MAGI1: variants seen among roughly 807,000 people sequenced by gnomAD.
MAGI1 encodes membrane associated guanylate kinase, WW and PDZ domain containing 1, also known as membrane-associated guanylate kinase, WW and PDZ domain-containing protein 1.
MAGI1 carries 58 observed loss-of-function variants against 139.9 expected under a neutral mutation model. That is an observed-to-expected ratio of 0.41 (90% CI 0.34 to 0.52). The LOEUF is 0.52. Ranked by LOEUF, MAGI1 falls within the 20% of genes least tolerant of loss-of-function variation. MAGI1 has a pLI of 0.12. For missense variants in MAGI1, 1,874 were observed against 1,901.6 expected (o/e 0.99, Z 0.27); for synonymous variants, 812 against 737.9 (o/e 1.10, Z -1.63).
chr3:65,423,682 C>G (rs75247623), intron 12 of MAGI1, among the ~76,000 whole-genome samples: 5 of 152,176 alleles, frequency 3.3e-5, no homozygotes, highest in Non-Finnish European at 7.3e-5. Context: ...AGGTTCCAAT[C>G]CTAGCTTTGC....
intron 2 of MAGI1, among the ~76,000 whole-genome samples, chr3:65,508,820 T>G (rs920442434): frequency 1.8e-4 from 27 of 152,200 alleles, no homozygotes; most frequent in Non-Finnish European, 5.9e-5. Context: ...ATTAAGTGAG[T>G]GTCATTATCA....
chr3:65,701,876 C>T (rs1221662044), intron 1 of MAGI1, among the ~76,000 whole-genome samples: 1 of 152,038 alleles, frequency 6.6e-6, no homozygotes, highest in Non-Finnish European at 1.5e-5. Context: ...CACTGGTAGC[C>T]GTGATAAAAT....
intron 2 of MAGI1, among the ~76,000 whole-genome samples, chr3:65,511,799 G>C (rs1327411389): frequency 7.0e-6 from 1 of 142,564 alleles, no homozygotes; most frequent in East Asian, 2.2e-4. Flanking sequence ...TCTGCACCAA[G>C]TGGACCTAAT....
intron 1 of MAGI1, among the ~76,000 whole-genome samples, chr3:65,825,723 C>A (rs1314270906): frequency 6.6e-6 from 1 of 152,194 alleles, no homozygotes; most frequent in Non-Finnish European, 1.5e-5. Flanking sequence ...GGCGCAGTGG[C>A]TCATGCCTGT....
chr3:65,939,099 A>T (rs1412956391), intron 1 of MAGI1, among the ~76,000 whole-genome samples: 2 of 152,142 alleles, frequency 1.3e-5, no homozygotes, highest in Non-Finnish European at 2.9e-5. Context: ...AAACACATAA[A>T]CTAGTTTACT....
intron 1 of MAGI1, among the ~76,000 whole-genome samples, chr3:66,021,923 G>T (rs1461732303): frequency 6.6e-6 from 1 of 152,146 alleles, no homozygotes; most frequent in Non-Finnish European, 1.5e-5. Context: ...CAAAGTTGAT[G>T]ATTTTCTTCA....
intron 1 of MAGI1, among the ~76,000 whole-genome samples, chr3:65,819,090 G>C (rs909848942): frequency 6.6e-6 from 1 of 152,082 alleles, no homozygotes; most frequent in African/African-American, 2.4e-5. Context: ...TTCGAGACCA[G>C]CTTGGCCTAC....
intron 2 of MAGI1, among the ~76,000 whole-genome samples, chr3:65,610,751 CAGTATA>C (rs1199322191): frequency 8.5e-4 from 18 of 21,126 alleles, no homozygotes; most frequent in Non-Finnish European, 1.4e-3. Context: ...AGTATATATA[CAGTATA>C]TATATAGCAT....
intron 2 of MAGI1, among the ~76,000 whole-genome samples, chr3:65,539,694 C>A (rs1418025408): frequency 6.6e-6 from 1 of 152,196 alleles, no homozygotes; most frequent in Non-Finnish European, 1.5e-5. Flanking sequence ...CTCTAGCAGA[C>A]TGTGGCAACT....
chr3:65,798,509 G>A lies in MAGI1; in HGVS notation c.314-176421C>T, dbSNP rs147596213. On this transcript the variant is annotated intron_variant, in intron 1 of 22. Transcript: ENST00000402939. ...AACTGTAGGCCTCGGGCCAAGATAG[G>A]TGTAGGGGTGCTGCCCTTTACCATG... 8.4e-3 allele frequency among the ~76,000 whole-genome samples: 1,276 copies of A among 152,264 alleles called. 9 individuals carry two copies. Among genetic ancestry groups the A allele is most frequent in the South Asian group, 0.014 (66 of 4,822 alleles).
intron 1 of MAGI1, among the ~76,000 whole-genome samples, chr3:65,707,847 C>G (rs1170271236): frequency 1.3e-5 from 2 of 152,082 alleles, no homozygotes; most frequent in African/African-American, 4.8e-5. Context: ...ATAGCTGAAC[C>G]AGAGAGGAAA....
At chr3:65,992,024 T>A (rs948426073) in intron 1 of MAGI1, among the ~76,000 whole-genome samples, 1 of 151,840 alleles carries the variant, frequency 6.6e-6, no homozygotes, top group African/African-American at 2.4e-5. Context: ...TCAAAATAAA[T>A]AAATAAAAAT....
chr3:65,858,939 G>A (rs1231122853), intron 1 of MAGI1, among the ~76,000 whole-genome samples: 1 of 152,084 alleles, frequency 6.6e-6, no homozygotes. Flanking sequence ...AGTATAATTG[G>A]AGCTGTCAAA....
At chr3:65,370,946 T>G (rs1335440150) in intron 18 of MAGI1, among the ~76,000 whole-genome samples, 1 of 152,246 alleles carries the variant, frequency 6.6e-6, no homozygotes. Context: ...CGTGTGCCAC[T>G]GCACCCAGCT....
chr3:66,024,119 G>C (rs1277547014), intron 1 of MAGI1, among the ~76,000 whole-genome samples: 1 of 151,916 alleles, frequency 6.6e-6, no homozygotes, highest in East Asian at 1.9e-4. Flanking sequence ...TGAGAATACA[G>C]AAAGAGTAAT....
At chr3:65,619,234 T>C (rs900662313) in intron 2 of MAGI1, among the ~76,000 whole-genome samples, 1 of 152,220 alleles carries the variant, frequency 6.6e-6, no homozygotes, top group African/African-American at 2.4e-5. Context: ...AAGTTCAATT[T>C]TGTTGCTTCA....
intron 3 of MAGI1, among the ~76,000 whole-genome samples, chr3:65,490,167 T>G (rs1951902909): frequency 1.3e-5 from 2 of 152,236 alleles, no homozygotes; most frequent in South Asian, 4.1e-4. Context: ...CTTACATGTG[T>G]CAGACACTCT....
At chr3:65,964,498 T>C (rs185626539) in intron 1 of MAGI1, among the ~76,000 whole-genome samples, 2 of 151,790 alleles carry the variant, frequency 1.3e-5, no homozygotes, top group East Asian at 1.9e-4. Context: ...GAAAGAAAGG[T>C]ATATCCTTTT....
intron 1 of MAGI1, among the ~76,000 whole-genome samples, chr3:65,655,309 A>C (rs751845181): frequency 1.3e-4 from 20 of 152,176 alleles, no homozygotes; most frequent in South Asian, 4.1e-4. Flanking sequence ...GGCTCAAAAA[A>C]CACATAAAGC....
Sources: gnomAD v4.1 joint callset for allele counts (sites outside exome capture counted in the v4.1 genomes callset) on GRCh38, gnomAD v4.1.1 for gene constraint, MANE v1.5 for transcripts, NCBI Gene and HGNC (gene_info 2026-07-23, HGNC 2026-07-21) for gene names.